BLNK: variants seen among roughly 807,000 people sequenced by gnomAD.
The protein encoded by BLNK is B cell linker, also known as B-cell linker protein.
A neutral mutation model predicts 73.5 loss-of-function variants in BLNK; 29 were observed. The ratio of observed to expected loss-of-function variants is 0.39; its 90% CI spans 0.29 to 0.54. The LOEUF is 0.54. Ranked by LOEUF, BLNK falls within the 20% of genes least tolerant of loss-of-function variation. BLNK has a pLI of 0.61. For missense variants in BLNK, 460 were observed against 562.8 expected (o/e 0.82, Z 1.85); for synonymous variants, 176 against 200.8 (o/e 0.88, Z 1.04).
At chr10:96,211,463 G>A (rs1591312127) in intron 8 of BLNK, among the ~76,000 whole-genome samples, 1 of 152,024 alleles carries the variant, frequency 6.6e-6, no homozygotes, top group Admixed American at 6.6e-5. Context: ...AAAAGAAAAG[G>A]CCTCAAAAAG....
rs975604991 is a variant in BLNK at position 96,238,830 on chromosome 10, G to A, written c.163+3905C>T. On this transcript the variant is annotated intron_variant, in intron 3 of 16. Coordinates refer to ENST00000224337, the MANE Select transcript of BLNK (RefSeq NM_013314.4). ...CATCAATGGATTTGCAGGGGTCAGG[G>A]ATTGAGGGAATAAAATCTACGTGTC... 7 of 279,474 alleles carry A rather than the reference G, an allele frequency of 2.5e-5. 1 individual carries two copies. The highest frequency in any genetic ancestry group is 8.7e-5 in the African/African-American group (4 of 46,038). The allele number at this position is 279,474 out of a possible 1,614,324, so 17.3% of individuals were successfully genotyped here.
chr10:96,237,617 C>A (rs1377037473), intron 3 of BLNK, among the ~76,000 whole-genome samples: 1 of 152,202 alleles, frequency 6.6e-6, no homozygotes, highest in African/African-American at 2.4e-5. Context: ...TCCCTGACCT[C>A]CATCCCCAGC....
chr10:96,240,398 A>G (rs587687756), intron 3 of BLNK, among the ~76,000 whole-genome samples: 1 of 151,888 alleles, frequency 6.6e-6, no homozygotes, highest in Admixed American at 6.6e-5. Flanking sequence ...GTTGCACAGG[A>G]CAACTCTATT....
intron 9 of BLNK, among the ~76,000 whole-genome samples, chr10:96,209,395 T>C (rs1016875220): frequency 1.3e-5 from 2 of 151,988 alleles, no homozygotes; most frequent in African/African-American, 4.8e-5. Context: ...TTTATTTATT[T>C]ATTCATTTAT....
intron 16 of BLNK, among the ~76,000 whole-genome samples, chr10:96,194,213 C>CGTGG (rs2083400886): frequency 6.6e-6 from 1 of 152,302 alleles, no homozygotes; most frequent in East Asian, 1.9e-4. Flanking sequence ...TCTTCACCCA[C>CGTGG]CCTTAAGCCT....
In BLNK at chr10:96,250,415, G is replaced by GGAGA. The variant is rs71486790; in HGVS notation, c.48-3370_48-3367dup. ...TTGAGAGACAGACAGAGAGAGAGGG[G>GGAGA]GAGAGAGAGAGAGAGAGAGAGGAAG... On this transcript the variant is annotated intron_variant, in intron 1 of 16. Transcript: ENST00000224337. 5.9e-3 allele frequency among the ~76,000 whole-genome samples: 847 copies of GGAGA among 143,486 alleles called. 2 individuals are homozygous for GGAGA. Among genetic ancestry groups the GGAGA allele is most frequent in the South Asian group, 7.7e-3 (34 of 4,390 alleles). 94.1% of individuals were successfully genotyped at this position (143,486 alleles called of 152,430 possible). A position where few individuals can be genotyped will look rare whatever the true frequency, so the allele number is the denominator to read the frequency against.
chr10:96,269,578 G>A (rs192831798), intron 1 of BLNK, among the ~76,000 whole-genome samples: 11 of 152,002 alleles, frequency 7.2e-5, no homozygotes, highest in East Asian at 1.9e-4. Context: ...TTACTTAAGC[G>A]CTCCTCCCTC....
Position 96,189,893 on chromosome 10 carries a change from T to G in BLNK, c.*2080A>C. 3 of 1,053,998 alleles carry G rather than the reference T, an allele frequency of 2.8e-6. No homozygotes were observed. In the East Asian group the frequency reaches 7.1e-5, roughly 25 times the overall value. 65.3% of individuals were successfully genotyped at this position (1,053,998 alleles called of 1,614,324 possible). ...AGCTACTAAATGCTGTCCACTAATA[T>G]GCACTGGCCCTGAACCACACTTCAA... On this transcript the variant is annotated 3_prime_UTR_variant, in exon 17 of 17. Coordinates refer to ENST00000224337, the MANE Select transcript of BLNK (RefSeq NM_013314.4).
At chr10:96,231,979 T>C (rs1233744368) in intron 3 of BLNK, among the ~76,000 whole-genome samples, 1 of 152,214 alleles carries the variant, frequency 6.6e-6, no homozygotes, top group Non-Finnish European at 1.5e-5. Context: ...CTTAAGTAGT[T>C]TATGAGCTTG....
intron 1 of BLNK, among the ~76,000 whole-genome samples, chr10:96,269,093 C>T (rs1484041390): frequency 6.6e-6 from 1 of 152,156 alleles, no homozygotes; most frequent in Admixed American, 6.5e-5. Flanking sequence ...AATTTCATTT[C>T]TTTGAAAAGT....
chr10:96,249,567 A>C, intron 1 of BLNK, among the ~76,000 whole-genome samples: 1 of 152,254 alleles, frequency 6.6e-6, no homozygotes, highest in Non-Finnish European at 1.5e-5. Flanking sequence ...GAGATTGCTC[A>C]AACGTAAAAT....
intron 4 of BLNK, among the ~76,000 whole-genome samples, chr10:96,228,335 G>T (rs1318533211): frequency 2.0e-5 from 3 of 152,118 alleles, no homozygotes; most frequent in Non-Finnish European, 2.9e-5. Flanking sequence ...TCAGCTCACT[G>T]CAACCTCTAC....
At chr10:96,262,342 A>T (rs1843795060) in intron 1 of BLNK, among the ~76,000 whole-genome samples, 1 of 152,214 alleles carries the variant, frequency 6.6e-6, no homozygotes, top group South Asian at 2.1e-4. Context: ...AGCACAGACC[A>T]GGAGGAAGGG....
chr10:96,229,271 CATT>C (rs1418533921), intron 4 of BLNK, among the ~76,000 whole-genome samples: 2 of 149,324 alleles, frequency 1.3e-5, no homozygotes, highest in African/African-American at 4.9e-5. Context: ...TGGTAAACAT[CATT>C]CTACTGTCCG....
intron 1 of BLNK, among the ~76,000 whole-genome samples, chr10:96,262,250 T>C (rs1843790281): frequency 6.6e-6 from 1 of 152,148 alleles, no homozygotes; most frequent in Non-Finnish European, 1.5e-5. Flanking sequence ...CTTAATGATG[T>C]TTAATTTTGA....
At chr10:96,232,990 G>A (rs1430864549) in intron 3 of BLNK, among the ~76,000 whole-genome samples, 1 of 152,048 alleles carries the variant, frequency 6.6e-6, no homozygotes, top group Non-Finnish European at 1.5e-5. Flanking sequence ...ATTTTTTGTA[G>A]AGATGGGGTT....
rs1554914448 is a variant in BLNK at position 96,267,050 on chromosome 10, C to T, written c.47+4302G>A. Among the ~76,000 whole-genome samples, 4 of 152,198 alleles carry T rather than the reference C, an allele frequency of 2.6e-5. No homozygotes were observed. The East Asian group carries it at 7.7e-4, about 29-fold the overall frequency. The stretch of plus-strand genomic sequence containing the variant: ...TAGTAACTGGCCATTAGAATCAGCC[C>T]TGTTGGGCCCCAATGGCATGGTCCT... On this transcript the variant is annotated intron_variant, in intron 1 of 16. Coordinates refer to ENST00000224337, the MANE Select transcript of BLNK (RefSeq NM_013314.4).
rs782492369 is a variant in BLNK at position 96,242,728 on chromosome 10, A to T, written c.163+7T>A. The T allele has an allele frequency of 1.2e-6, 2 of 1,613,074 alleles. No homozygotes were observed. Among genetic ancestry groups the T allele is most frequent in the South Asian group, 2.2e-5 (2 of 91,066 alleles). ...GAGTCAGTTAAAGTATCTGAGAAAT[A>T]CCTTACCTGAAGCGTAGTCCCTTCG... On this transcript the variant is annotated splice_region_variant and intron_variant, in intron 3 of 16. Transcript: ENST00000224337.
intron 3 of BLNK, 149 bp from the exon 4 acceptor site, chr10:96,230,983 A>G (rs1554903888): frequency 5.4e-6 from 4 of 745,764 alleles, no homozygotes; most frequent in African/African-American, 5.3e-5. Flanking sequence ...CTACAATCAT[A>G]TGTTCACTTG....
Sources: allele counts gnomAD v4.1 joint callset (sites outside exome capture counted in the v4.1 genomes callset), GRCh38; gene constraint gnomAD v4.1.1; transcripts MANE v1.5; gene names NCBI Gene and HGNC (gene_info 2026-07-23, HGNC 2026-07-21).